The following FBXL7 variants were observed in gnomAD, a reference collection of about 807,000 sequenced individuals.
FBXL7 encodes the protein F-box/LRR-repeat protein 7.
Under a neutral mutation model 38.3 loss-of-function variants are expected in FBXL7, and 12 were observed. That is an observed-to-expected ratio of 0.31 (90% confidence interval 0.20 to 0.51). FBXL7 has a LOEUF of 0.51. Ranked by LOEUF, FBXL7 falls within the 20% of genes least tolerant of loss-of-function variation. FBXL7 has a pLI of 0.98. For synonymous variants in FBXL7, 297 were observed against 300.9 expected (o/e 0.99, Z 0.13); for missense variants, 567 against 676.4 (o/e 0.84, Z 1.79).
chr5:15,926,938 C>A (rs1346965378), intron 2 of FBXL7, among the ~76,000 whole-genome samples: 1 of 151,816 alleles, frequency 6.6e-6, no homozygotes, highest in Non-Finnish European at 1.5e-5. Context: ...ACTCACTCCC[C>A]TCATTTGTAA....
intron 2 of FBXL7, among the ~76,000 whole-genome samples, chr5:15,737,114 C>G (rs12522526): frequency 0.053 from 8,046 of 152,194 alleles, 228 homozygotes; most frequent in East Asian, 0.084. Context: ...TGAGCCCCAG[C>G]CCCCTCATTC....
chr5:15,573,696 G>A (rs141894334), intron 1 of FBXL7, among the ~76,000 whole-genome samples: 24 of 152,116 alleles, frequency 1.6e-4, no homozygotes, highest in African/African-American at 4.6e-4. Flanking sequence ...GGGAATGCTC[G>A]GGTCACTTAA....
At chr5:15,893,664 G>A (rs1741001971) in intron 2 of FBXL7, among the ~76,000 whole-genome samples, 1 of 152,056 alleles carries the variant, frequency 6.6e-6, no homozygotes, top group Non-Finnish European at 1.5e-5. Context: ...TCTTTTTAAT[G>A]TTTCAAATGC....
intron 2 of FBXL7, among the ~76,000 whole-genome samples, chr5:15,897,978 T>C (rs567145849): frequency 6.6e-6 from 1 of 152,324 alleles, no homozygotes; most frequent in Admixed American, 6.5e-5. Context: ...ATGAGACACA[T>C]TGCAAAGCCA....
chr5:15,612,387 A>T (rs1740274507), intron 1 of FBXL7, among the ~76,000 whole-genome samples: 1 of 152,200 alleles, frequency 6.6e-6, no homozygotes, highest in Admixed American at 6.5e-5. Flanking sequence ...ATTATTATAA[A>T]TAACATTATT....
At chr5:15,749,125 G>A (rs1467417515) in intron 2 of FBXL7, among the ~76,000 whole-genome samples, 2 of 151,294 alleles carry the variant, frequency 1.3e-5, no homozygotes, top group African/African-American at 4.9e-5. Context: ...CATGCCTGTA[G>A]TCCCAGCTAC....
chr5:15,777,100 C>G (rs1266254278), intron 2 of FBXL7, among the ~76,000 whole-genome samples: 2 of 152,036 alleles, frequency 1.3e-5, no homozygotes, highest in Non-Finnish European at 2.9e-5. Flanking sequence ...TTCCATGCAT[C>G]TTATTAACAA....
intron 2 of FBXL7, among the ~76,000 whole-genome samples, chr5:15,690,069 G>C (rs975772419): frequency 1.3e-5 from 2 of 152,282 alleles, no homozygotes; most frequent in Admixed American, 6.5e-5. Context: ...AGAACCACTG[G>C]TGTAAACCAA....
At chr5:15,827,032 C>T (rs1242287460) in intron 2 of FBXL7, among the ~76,000 whole-genome samples, 2 of 152,000 alleles carry the variant, frequency 1.3e-5, no homozygotes, top group Admixed American at 1.3e-4. Flanking sequence ...CTACAATCAC[C>T]TTCCGCACTT....
intron 2 of FBXL7, among the ~76,000 whole-genome samples, chr5:15,917,710 G>T (rs983321663): frequency 3.3e-4 from 48 of 145,316 alleles, no homozygotes; most frequent in African/African-American, 1.2e-3. Context: ...AGAAAGGAAG[G>T]AAGGAAGGAC....
intron 2 of FBXL7, among the ~76,000 whole-genome samples, chr5:15,621,007 C>G (rs898456327): frequency 6.6e-6 from 1 of 152,174 alleles, no homozygotes; most frequent in African/African-American, 2.4e-5. Context: ...ATCCAGTGTT[C>G]CAGCTAATCC....
intron 1 of FBXL7, among the ~76,000 whole-genome samples, chr5:15,508,393 G>C (rs2126351596): frequency 6.6e-6 from 1 of 152,288 alleles, no homozygotes; most frequent in African/African-American, 2.4e-5. Flanking sequence ...AAGAAAATTA[G>C]ACTTCAGAGT....
Position 15,682,642 on chromosome 5 carries a change from TA to T in FBXL7, c.127+66576del, listed in dbSNP as rs111768558. ...TTGTTCTAAAATCTTTATATCCAGG[TA>T]AAAAAGTCCAGCTGTATTGATCAAG... On this transcript the variant is annotated intron_variant, in intron 2 of 3. Coordinates refer to ENST00000504595, the MANE Select transcript of FBXL7 (RefSeq NM_012304.5). Among the ~76,000 whole-genome samples, 224 of 152,292 alleles carry T rather than the reference TA, an allele frequency of 1.5e-3. 1 individual carries two copies. Among genetic ancestry groups the T allele is most frequent in the African/African-American group, 5.3e-3 (219 of 41,568 alleles).
intron 2 of FBXL7, among the ~76,000 whole-genome samples, chr5:15,641,056 G>T (rs972848861): frequency 9.2e-5 from 14 of 152,180 alleles, no homozygotes; most frequent in African/African-American, 3.4e-4. Flanking sequence ...CTTGTGGCCT[G>T]AGCTTGCTAA....
chr5:15,573,085 G>T (rs1160188516), intron 1 of FBXL7, among the ~76,000 whole-genome samples: 1 of 152,192 alleles, frequency 6.6e-6, no homozygotes, highest in Non-Finnish European at 1.5e-5. Flanking sequence ...ATTGTGTCCT[G>T]CAGTATCTGG....
chr5:15,567,180 T>C (rs1021636566), intron 1 of FBXL7, among the ~76,000 whole-genome samples: 4 of 152,138 alleles, frequency 2.6e-5, no homozygotes, highest in Non-Finnish European at 4.4e-5. Flanking sequence ...TTAGACATAT[T>C]TCATTCATAT....
At chr5:15,678,661 T>G (rs1409205615) in intron 2 of FBXL7, among the ~76,000 whole-genome samples, 1 of 152,204 alleles carries the variant, frequency 6.6e-6, no homozygotes, top group Non-Finnish European at 1.5e-5. Context: ...ATCATGGGAC[T>G]GGTTTCCCCC....
chr5:15,706,352 C>G lies in FBXL7; in HGVS notation c.127+90280C>G, dbSNP rs7717109. Reference sequence around the variant, plus strand: ...TTGTCATGTGATGTGCCTTCTCCCCCTTTGCTTTCCACCGTGATTGTAGAA... The same window carrying G: ...TTGTCATGTGATGTGCCTTCTCCCCGTTTGCTTTCCACCGTGATTGTAGAA... On this transcript the variant is annotated intron_variant, in intron 2 of 3. Coordinates refer to ENST00000504595, the MANE Select transcript of FBXL7 (RefSeq NM_012304.5). Among the ~76,000 whole-genome samples, 647 of 152,258 alleles carry G rather than the reference C, an allele frequency of 4.2e-3. 4 individuals carry two copies. Among genetic ancestry groups the G allele is most frequent in the African/African-American group, 0.015 (627 of 41,542 alleles).
chr5:15,834,065 A>G (rs257734), intron 2 of FBXL7, among the ~76,000 whole-genome samples: 87,457 of 152,002 alleles, frequency 0.58, 25,598 homozygotes, highest in Non-Finnish European at 0.64. Context: ...TAAATAAAAC[A>G]TTATTGTATT....
Sources: allele counts gnomAD v4.1 joint callset (sites outside exome capture counted in the v4.1 genomes callset), GRCh38; gene constraint gnomAD v4.1.1; transcripts MANE v1.5; gene names NCBI Gene and HGNC (gene_info 2026-07-23, HGNC 2026-07-21).